The following GAP43 variants were observed in gnomAD, a reference collection of about 807,000 sequenced individuals.
GAP43 encodes neuromodulin.
In GAP43, 6 loss-of-function variants were observed where a neutral mutation model predicts 18.6. The observed-to-expected ratio is 0.32, with a 90% CI of 0.18 to 0.64. The LOEUF is 0.64. Among genes scored for constraint, GAP43 ranks in the 30% least tolerant of loss-of-function variants. The pLI is 0.78. For missense variants in GAP43, 292 were observed against 295.5 expected (o/e 0.99, Z 0.09); for synonymous variants, 115 against 111.4 (o/e 1.03, Z -0.20).
chr3:115,698,177 A>AT (rs1327412159), intron 2 of GAP43, among the ~76,000 whole-genome samples: 275 of 44,148 alleles, frequency 6.2e-3, no homozygotes, highest in Non-Finnish European at 9.5e-3. Flanking sequence ...TATATTAAAT[A>AT]ATATATATAT....
intron 1 of GAP43, among the ~76,000 whole-genome samples, chr3:115,654,588 C>T (rs28370267): frequency 0.16 from 24,747 of 152,142 alleles, 2,446 homozygotes; most frequent in Admixed American, 0.22. Context: ...TTCAGAAAGG[C>T]GAATCCTGCC....
At chr3:115,647,551 C>G (rs1410784747) in intron 1 of GAP43, among the ~76,000 whole-genome samples, 1 of 151,774 alleles carries the variant, frequency 6.6e-6, no homozygotes, top group African/African-American at 2.4e-5. Context: ...AGGGAAAAAA[C>G]TAGGAGAGTG....
At chr3:115,630,069 C>G (rs970214226) in intron 1 of GAP43, among the ~76,000 whole-genome samples, 2 of 152,176 alleles carry the variant, frequency 1.3e-5, no homozygotes, top group East Asian at 3.8e-4. Context: ...CAGCCCCACC[C>G]TCTCTGGTTA....
chr3:115,627,548 G>A (rs534694669), intron 1 of GAP43, among the ~76,000 whole-genome samples: 1 of 151,726 alleles, frequency 6.6e-6, no homozygotes, highest in Non-Finnish European at 1.5e-5. Flanking sequence ...AATTTTACCT[G>A]GCCCCATAAG....
chr3:115,715,129 G>A (rs182974187), intron 2 of GAP43, among the ~76,000 whole-genome samples: 16 of 152,174 alleles, frequency 1.1e-4, no homozygotes, highest in East Asian at 5.8e-4. Flanking sequence ...TCCTAATGCC[G>A]TCACCTTAGG....
intron 2 of GAP43, among the ~76,000 whole-genome samples, chr3:115,708,745 G>A (rs903527754): frequency 1.3e-5 from 2 of 152,128 alleles, no homozygotes; most frequent in Admixed American, 6.6e-5. Context: ...CCAAGTGGCA[G>A]GTGGGGCTGT....
At chr3:115,638,602 T>G (rs1041482825) in intron 1 of GAP43, among the ~76,000 whole-genome samples, 1 of 151,848 alleles carries the variant, frequency 6.6e-6, no homozygotes, top group African/African-American at 2.4e-5. Context: ...TGCCTATCTC[T>G]TCAAGCTTTA....
chr3:115,690,207 C>T (rs1576995196), intron 2 of GAP43, among the ~76,000 whole-genome samples: 6 of 152,260 alleles, frequency 3.9e-5, no homozygotes, highest in African/African-American at 1.4e-4. Context: ...CACAGCTCCC[C>T]TAGGAGAGAC....
intron 2 of GAP43, among the ~76,000 whole-genome samples, chr3:115,698,213 A>ATATAATATATAATATATATAAAAT (rs1553724651): frequency 0.031 from 70 of 2,258 alleles, 1 homozygote; most frequent in African/African-American, 0.063. Context: ...TATTATATAA[A>ATATAATATATAATATATATAAAAT]ATATATAATA....
At chr3:115,631,526 T>A (rs1377897548) in intron 1 of GAP43, among the ~76,000 whole-genome samples, 2 of 152,222 alleles carry the variant, frequency 1.3e-5, no homozygotes, top group Admixed American at 6.5e-5. Context: ...ACTAAAGTAT[T>A]CATGGCTCTA....
rs56209932 is a variant in GAP43, at chr3:115,661,831, C to CTTTTTTTTTTTTTTTTTTTTTTTTTT, written c.31-14168_31-14167insTTTTTTTTTTTTTTTTTTTTTTTTTT. Among the ~76,000 whole-genome samples, 4 of 105,950 alleles carry CTTTTTTTTTTTTTTTTTTTTTTTTTT rather than the reference C, an allele frequency of 3.8e-5. 1 individual carries two copies. Among genetic ancestry groups the CTTTTTTTTTTTTTTTTTTTTTTTTTT allele is most frequent in the African/African-American group, 1.6e-4 (4 of 24,558 alleles). 69.5% of individuals were successfully genotyped at this position (105,950 alleles called of 152,430 possible). A position where few individuals can be genotyped will look rare whatever the true frequency, so the allele number is the denominator to read the frequency against. On this transcript the variant is annotated intron_variant, in intron 1 of 2. Coordinates refer to ENST00000305124, the MANE Select transcript of GAP43 (RefSeq NM_002045.4). ...AGTTTGGCTTGGGGAGAAACTAGGGCTTTTTTTTTTTTTTACCTGGGAGCT... is the reference window on the plus strand; with the variant it reads ...AGTTTGGCTTGGGGAGAAACTAGGGCTTTTTTTTTTTTTTTTTTTTTTTTTTTTTTTTTTTTTTTTACCTGGGAGCT...
chr3:115,676,217 G>A lies in GAP43; in HGVS notation c.235G>A (p.Glu79Lys). The change falls in exon 2 of 3, where the codon GAG becomes AAG. Residue 79 changes from glutamate (E) to lysine (K), a missense_variant. Coordinates refer to ENST00000305124, the MANE Select transcript of GAP43 (RefSeq NM_002045.4). ...KDEAPVADGVEKKGEGTTTAE... is the reference protein window; with the variant it reads ...KDEAPVADGVKKKGEGTTTAE... ...TGAAGCCCCTGTTGCCGATGGGGTG[G>A]AGAAGAAGGGAGAAGGCACCACTAC... 2.5e-6 allele frequency: 4 copies of A among 1,614,196 alleles called. No homozygotes were observed. The South Asian group carries it at 3.3e-5, about 13-fold the overall frequency.
intron 1 of GAP43, among the ~76,000 whole-genome samples, chr3:115,631,400 T>A (rs55838665): frequency 6.6e-6 from 1 of 152,140 alleles, no homozygotes; most frequent in East Asian, 1.9e-4. Flanking sequence ...TTACCTTTTC[T>A]TCTTAAAATT....
intron 2 of GAP43, among the ~76,000 whole-genome samples, chr3:115,695,652 A>G (rs1236543649): frequency 6.6e-6 from 1 of 152,186 alleles, no homozygotes; most frequent in Non-Finnish European, 1.5e-5. Context: ...TGTGTTCTCA[A>G]CCAGAGTTGT....
chr3:115,702,385 A>C (rs1357679440), intron 2 of GAP43, among the ~76,000 whole-genome samples: 1 of 152,114 alleles, frequency 6.6e-6, no homozygotes, highest in African/African-American at 2.4e-5. Flanking sequence ...ATTGACTTGA[A>C]TCTTGGATTG....
chr3:115,679,841 C>G (rs1034618628), intron 2 of GAP43, among the ~76,000 whole-genome samples: 1 of 152,120 alleles, frequency 6.6e-6, no homozygotes, highest in African/African-American at 2.4e-5. Flanking sequence ...TTGACTGATG[C>G]TAGTTGGAAG....
At chr3:115,673,491 G>C (rs1708839643) in intron 1 of GAP43, among the ~76,000 whole-genome samples, 1 of 152,214 alleles carries the variant, frequency 6.6e-6, no homozygotes, top group South Asian at 2.1e-4. Flanking sequence ...ACAAACAGCA[G>C]TATTTGTATT....
chr3:115,630,041 G>A (rs558958064), intron 1 of GAP43, among the ~76,000 whole-genome samples: 14 of 151,960 alleles, frequency 9.2e-5, no homozygotes, highest in African/African-American at 3.1e-4. Flanking sequence ...TGTCCTCCTC[G>A]TCCAACAACC....
chr3:115,650,969 T>A (rs1184569377), intron 1 of GAP43, among the ~76,000 whole-genome samples: 1 of 151,668 alleles, frequency 6.6e-6, no homozygotes, highest in Non-Finnish European at 1.5e-5. Context: ...TACAAAAAAA[T>A]AAAAATAAAA....
Sources: gnomAD v4.1 joint callset for allele counts (sites outside exome capture counted in the v4.1 genomes callset) on GRCh38, gnomAD v4.1.1 for gene constraint, MANE v1.5 for transcripts, NCBI Gene and HGNC (gene_info 2026-07-23, HGNC 2026-07-21) for gene names.